AKT3: variants seen among roughly 807,000 people sequenced by gnomAD.
The protein encoded by AKT3 is RAC-gamma serine/threonine-protein kinase.
Under a neutral mutation model 65.3 loss-of-function variants are expected in AKT3, and 15 were observed. That is an observed-to-expected ratio of 0.23 (90% CI 0.15 to 0.35). The LOEUF is 0.35. AKT3 is among the 10% of genes least tolerant of loss of function. The probability of loss-of-function intolerance (pLI) is 1.00; values close to 1 mark genes in which losing one functional copy is unlikely to be tolerated. For missense variants in AKT3, 243 were observed against 576.5 expected (o/e 0.42, Z 5.92); for synonymous variants, 206 against 183.8 (o/e 1.12, Z -0.98).
intron 2 of AKT3, among the ~76,000 whole-genome samples, chr1:243,699,053 G>A (rs929537404): frequency 7.8e-4 from 119 of 152,218 alleles, no homozygotes; most frequent in Non-Finnish European, 1.2e-3. Context: ...GATAAGGCAC[G>A]TGTTGTCAGG....
rs184163861 is a variant in AKT3, at chr1:243,553,210, T to C, written c.949-267A>G. Among the ~76,000 whole-genome samples, 7 of 151,884 alleles carry C rather than the reference T, an allele frequency of 4.6e-5. No individual in the cohort carries two copies. In the East Asian group the frequency reaches 1.4e-3, roughly 29 times the overall value. ...AAAAAAAATCCCAAGTACATGAATATACATAAGGATCAAATGAAAAACGTT... is the reference window on the plus strand; with the variant it reads ...AAAAAAAATCCCAAGTACATGAATACACATAAGGATCAAATGAAAAACGTT... On this transcript the variant is annotated intron_variant, in intron 10 of 13. Coordinates refer to ENST00000673466, the MANE Select transcript of AKT3 (RefSeq NM_005465.7).
intron 13 of AKT3, among the ~76,000 whole-genome samples, chr1:243,510,469 T>C (rs2148358556): frequency 6.6e-6 from 1 of 152,356 alleles, no homozygotes; most frequent in African/African-American, 2.4e-5. Context: ...AGAGGGAATG[T>C]TGTCAGACTG....
chr1:243,658,075 T>A (rs1681958498), intron 4 of AKT3, among the ~76,000 whole-genome samples: 1 of 152,142 alleles, frequency 6.6e-6, no homozygotes, highest in Non-Finnish European at 1.5e-5. Flanking sequence ...AGAAATGATT[T>A]CTTGATGCTG....
In AKT3 at chr1:243,755,360, C is replaced by A. The variant is rs1341043491; in HGVS notation, c.47-59644G>T. On this transcript the variant is annotated intron_variant, in intron 2 of 13. Transcript: ENST00000673466. The stretch of plus-strand genomic sequence containing the variant: ...AAGTGCTAGGATTACAGGCATAAGT[C>A]GCCGTGCCCGGTCTCCTTTTTAATT... Among the ~76,000 whole-genome samples, 4 of 151,730 alleles carry A rather than the reference C, an allele frequency of 2.6e-5. No homozygotes were observed. In the South Asian group the frequency reaches 8.3e-4, roughly 32 times the overall value.
At chr1:243,631,527 G>T (rs770897179) in intron 6 of AKT3, among the ~76,000 whole-genome samples, 11 of 152,142 alleles carry the variant, frequency 7.2e-5, no homozygotes, top group Non-Finnish European at 1.3e-4. Flanking sequence ...GACCTCAAGC[G>T]ATCTGCCTGC....
chr1:243,782,423 T>A (rs1358618218), intron 2 of AKT3, among the ~76,000 whole-genome samples: 1 of 152,188 alleles, frequency 6.6e-6, no homozygotes, highest in Non-Finnish European at 1.5e-5. Flanking sequence ...TCTTCATAGA[T>A]GGCACCCTTC....
Position 243,830,500 on chromosome 1 carries a change from C to T in AKT3, c.46+12625G>A, listed in dbSNP as rs562009132. Among the ~76,000 whole-genome samples the T allele has an allele frequency of 3.9e-5, 6 of 152,106 alleles. No individual in the cohort carries two copies. The East Asian group carries it at 5.8e-4, about 15-fold the overall frequency. On this transcript the variant is annotated intron_variant, in intron 2 of 13. Coordinates refer to ENST00000673466, the MANE Select transcript of AKT3 (RefSeq NM_005465.7). ...TTTAGGGAAGACAGGATAGCAATCT[C>T]GAAAAATCCGAAGGCCTATAAACTG...
chr1:243,632,720 T>C (rs1647536815), intron 6 of AKT3, among the ~76,000 whole-genome samples: 1 of 152,200 alleles, frequency 6.6e-6, no homozygotes, highest in African/African-American at 2.4e-5. Flanking sequence ...TCTTCACCAA[T>C]TATTTAGCTA....
At chr1:243,611,051 T>C (rs1170446079) in intron 8 of AKT3, among the ~76,000 whole-genome samples, 1 of 152,194 alleles carries the variant, frequency 6.6e-6, no homozygotes, top group Non-Finnish European at 1.5e-5. Flanking sequence ...GAAATGAAAT[T>C]GCTGAGTCCA....
At chr1:243,565,535 T>G (rs1445186096) in intron 9 of AKT3, among the ~76,000 whole-genome samples, 6 of 152,188 alleles carry the variant, frequency 3.9e-5, no homozygotes, top group Non-Finnish European at 8.8e-5. Context: ...AAATTAAAAT[T>G]TTTTATTTTA....
At chr1:243,633,120 G>GA (rs1178104019) in intron 6 of AKT3, among the ~76,000 whole-genome samples, 1 of 152,068 alleles carries the variant, frequency 6.6e-6, no homozygotes, top group African/African-American at 2.4e-5. Context: ...AGTGCTGAAG[G>GA]AAAAAAACTA....
intron 2 of AKT3, among the ~76,000 whole-genome samples, chr1:243,813,167 T>TA (rs1220169625): frequency 6.6e-6 from 1 of 151,948 alleles, no homozygotes; most frequent in Non-Finnish European, 1.5e-5. Flanking sequence ...CCCTAGAACT[T>TA]AAAGTATAAA....
intron 2 of AKT3, among the ~76,000 whole-genome samples, chr1:243,747,049 T>C (rs1377489210): frequency 6.6e-6 from 1 of 152,106 alleles, no homozygotes; most frequent in African/African-American, 2.4e-5. Context: ...CCCTAAATAA[T>C]GATGTCAAAG....
intron 2 of AKT3, among the ~76,000 whole-genome samples, chr1:243,807,724 C>G (rs934815820): frequency 3.3e-5 from 5 of 152,224 alleles, no homozygotes; most frequent in Non-Finnish European, 1.5e-5. Context: ...TGAGAACAGA[C>G]AGACTGCCTC....
intron 3 of AKT3, among the ~76,000 whole-genome samples, chr1:243,673,659 G>C (rs1436248316): frequency 6.9e-6 from 1 of 145,908 alleles, no homozygotes; most frequent in Non-Finnish European, 1.5e-5. Context: ...CTTTCACCAG[G>C]CTGGAGTGCA....
intron 2 of AKT3, among the ~76,000 whole-genome samples, chr1:243,746,866 A>C (rs1430688874): frequency 6.6e-6 from 1 of 151,652 alleles, no homozygotes; most frequent in Non-Finnish European, 1.5e-5. Context: ...TTACCTCTGG[A>C]GAATTCTTAT....
At chr1:243,617,715 G>A (rs1033814779) in intron 6 of AKT3, among the ~76,000 whole-genome samples, 1 of 152,094 alleles carries the variant, frequency 6.6e-6, no homozygotes, top group Non-Finnish European at 1.5e-5. Flanking sequence ...GGGGTGACAT[G>A]TTTGTGAAAG....
At chr1:243,513,758 G>C (rs1252658290) in intron 12 of AKT3, among the ~76,000 whole-genome samples, 1 of 152,170 alleles carries the variant, frequency 6.6e-6, no homozygotes, top group Admixed American at 6.5e-5. Flanking sequence ...ACGTTCCACT[G>C]ATCAGCTGGT....
chr1:243,629,942 G>T (rs958794538), intron 6 of AKT3, among the ~76,000 whole-genome samples: 1 of 152,086 alleles, frequency 6.6e-6, no homozygotes, highest in Non-Finnish European at 1.5e-5. Flanking sequence ...GACTGCAGAT[G>T]ACTATGGCAT....
Sources: allele counts gnomAD v4.1 joint callset (sites outside exome capture counted in the v4.1 genomes callset), GRCh38; gene constraint gnomAD v4.1.1; transcripts MANE v1.5; gene names NCBI Gene and HGNC (gene_info 2026-07-23, HGNC 2026-07-21).